FRMD6: variants seen among roughly 807,000 people sequenced by gnomAD.
The protein encoded by FRMD6 is FERM domain containing 6, also known as FERM domain-containing protein 6.
Under a neutral mutation model 73.2 loss-of-function variants are expected in FRMD6, and 37 were observed. The ratio of observed to expected loss-of-function variants is 0.51; its 90% CI spans 0.39 to 0.66. The LOEUF is 0.66. Ranked by LOEUF, FRMD6 falls within the 30% of genes least tolerant of loss-of-function variation. The pLI is 0.00. For synonymous variants in FRMD6, 273 were observed against 282.2 expected (o/e 0.97, Z 0.33); for missense variants, 714 against 780.5 (o/e 0.91, Z 1.02).
intron 1 of FRMD6, among the ~76,000 whole-genome samples, chr14:51,528,123 C>T (rs1020898475): frequency 6.6e-6 from 1 of 152,146 alleles, no homozygotes; most frequent in Non-Finnish European, 1.5e-5. Flanking sequence ...GCCGGGGTGA[C>T]AGAGCAAGAC....
the FRMD6 span, among the ~76,000 whole-genome samples, chr14:51,422,664 C>G: frequency 6.6e-6 from 1 of 152,178 alleles, no homozygotes; most frequent in African/African-American, 2.4e-5. Flanking sequence ...TTATATTGAA[C>G]TCTTTTCATA....
chr14:51,597,846 CTG>C (rs1247834240), intron 2 of FRMD6, among the ~76,000 whole-genome samples: 1 of 152,174 alleles, frequency 6.6e-6, no homozygotes, highest in Non-Finnish European at 1.5e-5. Context: ...TGACTGGTCT[CTG>C]AGGGTGGAGT....
At chr14:51,572,230 C>G (rs1237269295) in intron 2 of FRMD6, among the ~76,000 whole-genome samples, 1 of 152,200 alleles carries the variant, frequency 6.6e-6, no homozygotes, top group Non-Finnish European at 1.5e-5. Context: ...ATTTGAAAAG[C>G]CAGCTGGGTG....
At chr14:51,610,161 C>T (rs1030761452) in intron 2 of FRMD6, among the ~76,000 whole-genome samples, 58 of 151,694 alleles carry the variant, frequency 3.8e-4, no homozygotes, top group African/African-American at 1.2e-3. Flanking sequence ...GGCACAGGCT[C>T]AGTCCCAGGG....
At chr14:51,508,142 A>AC (rs1177649042) in intron 1 of FRMD6, among the ~76,000 whole-genome samples, 5 of 151,212 alleles carry the variant, frequency 3.3e-5, no homozygotes, top group Non-Finnish European at 5.9e-5. Context: ...GGCAATGAGC[A>AC]CCCCCCAGCC....
rs139834461 is a variant in FRMD6, at chr14:51,505,793, G to T, written c.-210+16373G>T. ...CTCGACTCGATCACCCTTTCCAGAG[G>T]TTTTATCTCATACATTTCTCTGCTC... On this transcript the variant is annotated intron_variant, in intron 1 of 14. Coordinates refer to the FRMD6 transcript ENST00000356218. 5.9e-3 allele frequency among the ~76,000 whole-genome samples: 891 copies of T among 152,178 alleles called. 14 individuals are homozygous for T. Among genetic ancestry groups the T allele is most frequent in the East Asian group, 0.026 (136 of 5,182 alleles).
In FRMD6 at chr14:51,727,947, A is replaced by C. The variant is rs372412784; in HGVS notation, c.1787A>C (p.Gln596Pro). The C allele has an allele frequency of 1.1e-4, 180 of 1,614,010 alleles. No homozygotes were observed. The highest frequency in any genetic ancestry group is 1.5e-4 in the Non-Finnish European group (174 of 1,179,966). The stretch of plus-strand genomic sequence containing the variant: ...TTGGCCCAGCAGTGCATCAACATCC[A>C]AGATGCTTTTCCAGTCAAAAGAACC... ...SCLAQQCINI[Q>P]DAFPVKRTSK... The change falls in exon 14 of 14, where the codon CAA becomes CCA. Residue 596 changes from glutamine (Q) to proline (P), a missense_variant. Transcript: ENST00000344768.
At chr14:51,635,595 A>T (rs529228176) in intron 2 of FRMD6, among the ~76,000 whole-genome samples, 1 of 152,370 alleles carries the variant, frequency 6.6e-6, no homozygotes, top group Admixed American at 6.5e-5. Flanking sequence ...AGTAAATTTT[A>T]CCATAAGGCA....
chr14:51,466,493 C>T, the FRMD6 span, among the ~76,000 whole-genome samples: 2 of 152,114 alleles, frequency 1.3e-5, no homozygotes, highest in Non-Finnish European at 2.9e-5. Flanking sequence ...GATCCAGTAC[C>T]ATTTGTTGAA....
intron 2 of FRMD6, among the ~76,000 whole-genome samples, chr14:51,626,048 T>C (rs10484082): frequency 0.1 from 15,232 of 152,204 alleles, 820 homozygotes; most frequent in Middle Eastern, 0.16. Context: ...TGTATGTCAA[T>C]TGTAAGGCAA....
the FRMD6 span, among the ~76,000 whole-genome samples, chr14:51,472,381 G>A: frequency 6.6e-6 from 1 of 152,114 alleles, no homozygotes; most frequent in African/African-American, 2.4e-5. Flanking sequence ...TCAGCTCACT[G>A]CAAGCTCCAC....
chr14:51,544,090 C>T (rs7140155), intron 1 of FRMD6, among the ~76,000 whole-genome samples: 84,174 of 151,176 alleles, frequency 0.56, 23,582 homozygotes, highest in South Asian at 0.58. Flanking sequence ...ACTGATTGTC[C>T]CCCATAGCCC....
rs1166476518 is a variant in FRMD6, at chr14:51,503,683, T to G, written c.-210+14263T>G. ...AGGATATTGGGCTGAAGTTTTTTGT[T>G]TTTTTTTTTTGTATCTCTGCTGGGT... On this transcript the variant is annotated intron_variant, in intron 1 of 14. Coordinates refer to the FRMD6 transcript ENST00000356218. 4.2e-4 allele frequency among the ~76,000 whole-genome samples: 16 copies of G among 37,666 alleles called. No individual in the cohort carries two copies. In the South Asian group the frequency reaches 8.8e-3, roughly 21 times the overall value. The allele number at this position is 37,666 out of a possible 152,430, so 24.7% of individuals were successfully genotyped here.
chr14:51,403,450 G>C, the FRMD6 span, among the ~76,000 whole-genome samples: 3 of 151,870 alleles, frequency 2.0e-5, no homozygotes, highest in East Asian at 5.8e-4. Flanking sequence ...ACCTAGGCTG[G>C]AGTGCAGTGG....
chr14:51,477,373 A>T, the FRMD6 span, among the ~76,000 whole-genome samples: 1 of 152,206 alleles, frequency 6.6e-6, no homozygotes, highest in African/African-American at 2.4e-5. Flanking sequence ...ATTCATTTTC[A>T]TATTTACAAG....
chr14:51,463,754 A>G, the FRMD6 span, among the ~76,000 whole-genome samples: 5 of 152,158 alleles, frequency 3.3e-5, no homozygotes, highest in African/African-American at 1.2e-4. Flanking sequence ...CTTACCCACA[A>G]CAGTTTTTTG....
chr14:51,703,692 A>T (rs879765144), intron 5 of FRMD6, among the ~76,000 whole-genome samples: 4 of 152,074 alleles, frequency 2.6e-5, no homozygotes, highest in Non-Finnish European at 5.9e-5. Flanking sequence ...GGCATTATAA[A>T]CAAAAGTGCT....
At chr14:51,617,327 G>C (rs1440568256) in intron 2 of FRMD6, among the ~76,000 whole-genome samples, 2 of 152,156 alleles carry the variant, frequency 1.3e-5, no homozygotes, top group Non-Finnish European at 2.9e-5. Context: ...AGAAGAAAAG[G>C]GAAGAGAGAA....
intron 1 of FRMD6, among the ~76,000 whole-genome samples, chr14:51,553,614 AG>A (rs903076389): frequency 2.0e-4 from 31 of 152,330 alleles, no homozygotes; most frequent in African/African-American, 6.7e-4. Flanking sequence ...AGGAGCTAAA[AG>A]GTGCATCAGA....
Sources: allele counts gnomAD v4.1 joint callset (sites outside exome capture counted in the v4.1 genomes callset), GRCh38; gene constraint gnomAD v4.1.1; transcripts MANE v1.5; gene names NCBI Gene and HGNC (gene_info 2026-07-23, HGNC 2026-07-21).